Variants in PHF11 observed in about 807,000 individuals in gnomAD.
The protein encoded by PHF11 is PHD finger protein 11.
In PHF11, 38 loss-of-function variants were observed where a neutral mutation model predicts 40.5. The observed-to-expected ratio is 0.94, with a 90% CI of 0.72 to 1.23. PHF11 has a LOEUF of 1.23. Ranked by LOEUF, PHF11 falls within the 50% of genes most tolerant of loss-of-function variation. The pLI, the probability that PHF11 is intolerant of heterozygous loss-of-function variation, is 0.00. For missense variants in PHF11, 369 were observed against 392.4 expected, an observed-to-expected ratio of 0.94 and a Z score of 0.50; for synonymous variants, 127 against 138.2, an observed-to-expected ratio of 0.92 and a Z score of 0.57.
At chr13:49,526,612 C>A (rs372799292) in intron 9 of PHF11, among the ~76,000 whole-genome samples, 154 bp downstream of exon 9, 1 of 138,052 alleles carries the variant, frequency 7.2e-6, no homozygotes, top group Non-Finnish European at 1.6e-5. Context: ...AGTATGACCC[C>A]GCCCACCTGC....
intron 3 of PHF11, among the ~76,000 whole-genome samples, chr13:49,515,743 C>T (rs1339268653): frequency 1.3e-5 from 2 of 152,154 alleles, no homozygotes; most frequent in African/African-American, 4.8e-5. Flanking sequence ...GACTGTCTCT[C>T]CTGCCATCCC....
intron 8 of PHF11, 130 bp from the exon 9 acceptor site, chr13:49,526,257 C>A: frequency 1.6e-6 from 1 of 638,018 alleles, no homozygotes; most frequent in Non-Finnish European, 2.9e-6. Context: ...CTGCTGTTGC[C>A]ATCTAACATT....
At chr13:49,525,819 G>A (rs750171616) in intron 8 of PHF11, 7 of 456,166 alleles carry the variant, frequency 1.5e-5, no homozygotes, top group South Asian at 1.1e-4. Flanking sequence ...CTGTAGGGCT[G>A]GTGAGGACAC....
At position 49,495,966 on chromosome 13, in the gene PHF11, C is replaced by T. The variant is rs1958795830; in HGVS notation, c.-36C>T. The T allele has an allele frequency of 1.4e-6, 2 of 1,396,208 alleles. No individual in the cohort carries two copies. Among genetic ancestry groups the T allele is most frequent in the Non-Finnish European group, 1.9e-6 (2 of 1,035,938 alleles). 86.5% of individuals were successfully genotyped at this position (1,396,208 alleles called of 1,614,324 possible). A position where few individuals can be genotyped will look rare whatever the true frequency, so the allele number is the denominator to read the frequency against. On this transcript the variant is annotated 5_prime_UTR_variant, in exon 1 of 10. Transcript: ENST00000378319. ...TGCAGCTGGGGCACTTCCGGGATCT[C>T]GCTATCCGGCCGCCACCCGCAGCTG...
At chr13:49,523,341 C>A (rs907735495) in intron 7 of PHF11, 100 bp downstream of exon 7, 2 of 744,626 alleles carry the variant, frequency 2.7e-6, no homozygotes, top group African/African-American at 1.8e-5. Context: ...AATCTTTATT[C>A]TTCTAGGCTT....
intron 5 of PHF11, chr13:49,521,367 G>A (rs1421271534): frequency 6.1e-6 from 6 of 988,580 alleles, no homozygotes; most frequent in Admixed American, 1.2e-4. Flanking sequence ...GCTAACTGGA[G>A]TCATGGGGTA....
chr13:49,506,114 TGGCCAGGCACAGTAGCTC>T (rs755451364), intron 1 of PHF11, among the ~76,000 whole-genome samples: 1 of 152,084 alleles, frequency 6.6e-6, no homozygotes, highest in Non-Finnish European at 1.5e-5. Context: ...TTCCTCATTT[TGGCCAGGCACAGTAGCTC>T]GTGCCTGTAA....
intron 2 of PHF11, among the ~76,000 whole-genome samples, chr13:49,512,753 C>T (rs1959095545): frequency 6.6e-6 from 1 of 152,168 alleles, no homozygotes; most frequent in Non-Finnish European, 1.5e-5. Context: ...AGCTATTGCT[C>T]AAAGCCCATT....
At chr13:49,521,076 T>G (rs1051241357) in intron 5 of PHF11, 136 bp downstream of exon 5, 2 of 1,391,268 alleles carry the variant, frequency 1.4e-6, no homozygotes, top group Non-Finnish European at 1.9e-6. Context: ...ATCTAGAAAA[T>G]TGACAACTTC....
chr13:49,523,315 C>A, intron 7 of PHF11, 74 bp downstream of exon 7: 1 of 940,562 alleles, frequency 1.1e-6, no homozygotes, highest in Non-Finnish European at 1.7e-6. Context: ...CTGTTTCAAA[C>A]TTGGTATCCC....
At chr13:49,506,592 G>C in intron 1 of PHF11, 43 bp from the exon 2 acceptor site, 1 of 1,604,864 alleles carries the variant, frequency 6.2e-7, no homozygotes, top group South Asian at 1.1e-5. Flanking sequence ...GTGAGACCAA[G>C]AAATTCCACT....
At position 49,524,191 on chromosome 13, in the gene PHF11, C is replaced by T; in HGVS notation, c.744C>T (p.Leu248=). Residue 248 remains leucine, a synonymous_variant, in exon 8 of 10, where the codon CTC becomes CTT. Coordinates refer to ENST00000378319, the MANE Select transcript of PHF11 (RefSeq NM_001040443.3). ...LDKVHSIPEK[L]MDETTSESDY... Reference sequence around the variant, plus strand: ...AAGTTCATTCAATTCCAGAAAAACTCATGGATGAGACTACTTCAGAATCAG... The same window carrying T: ...AAGTTCATTCAATTCCAGAAAAACTTATGGATGAGACTACTTCAGAATCAG... 6.2e-7 allele frequency: 1 copy of T among 1,608,858 alleles called. No individual in the cohort carries two copies. The highest frequency in any genetic ancestry group is 8.5e-7 in the Non-Finnish European group (1 of 1,176,332).
At chr13:49,508,100 T>C (rs1348984086) in intron 2 of PHF11, among the ~76,000 whole-genome samples, 1 of 148,176 alleles carries the variant, frequency 6.7e-6, no homozygotes, top group Non-Finnish European at 1.5e-5. Flanking sequence ...AAATAATTAA[T>C]ATAAATAATT....
chr13:49,501,008 T>TTG lies in PHF11; in HGVS notation c.94+4914_94+4915insGT, dbSNP rs1566185319. Among the ~76,000 whole-genome samples the TTG allele has an allele frequency of 6.5e-5, 8 of 122,740 alleles. No individual in the cohort carries two copies. In the South Asian group the frequency reaches 2.0e-3, roughly 31 times the overall value. 80.5% of individuals were successfully genotyped at this position (122,740 alleles called of 152,430 possible). On this transcript the variant is annotated intron_variant, in intron 1 of 9. Transcript: ENST00000378319. The stretch of plus-strand genomic sequence containing the variant: ...GGGAGTCACCAACTTTTGTTTTTTT[T>TTG]TTTTTTTGGTTTTTTTTTTTCTGAA...
intron 1 of PHF11, among the ~76,000 whole-genome samples, chr13:49,506,084 G>C (rs1014188066): frequency 1.3e-5 from 2 of 152,066 alleles, no homozygotes; most frequent in African/African-American, 2.4e-5. Flanking sequence ...ATTCCTGGTT[G>C]TGTTTCTTGA....
chr13:49,509,413 G>A (rs746570302), intron 2 of PHF11, among the ~76,000 whole-genome samples: 4 of 151,972 alleles, frequency 2.6e-5, no homozygotes, highest in Admixed American at 6.6e-5. Flanking sequence ...GGGGTTTCAC[G>A]TGTTAGCCAA....
At chr13:49,501,011 TTTTTG>T (rs1463919437) in intron 1 of PHF11, among the ~76,000 whole-genome samples, 20 of 118,270 alleles carry the variant, frequency 1.7e-4, no homozygotes, top group South Asian at 1.7e-3. Context: ...TTTTTTTTTT[TTTTTG>T]GTTTTTTTTT....
In PHF11 at chr13:49,517,929, T is replaced by G; in HGVS notation, c.325-89T>G. The G allele has an allele frequency of 6.8e-6, 5 of 736,914 alleles. 1 individual carries two copies. The South Asian group carries it at 1.0e-4, about 15-fold the overall frequency. The allele number at this position is 736,914 out of a possible 1,614,324, so 45.6% of individuals were successfully genotyped here. On this transcript the variant is annotated intron_variant, in intron 3 of 9. Transcript: ENST00000378319. ...TGCCCAGGATAAAATGCAGGGCTTC[T>G]GGAACTTAAATAACATTTAATGATA...
intron 5 of PHF11, 123 bp downstream of exon 5, chr13:49,521,063 C>A: frequency 7.2e-7 from 1 of 1,394,398 alleles, no homozygotes; most frequent in Non-Finnish European, 9.4e-7. Flanking sequence ...TAAAATTTTA[C>A]ACATCTAGAA....
Sources: allele counts gnomAD v4.1 joint callset (sites outside exome capture counted in the v4.1 genomes callset), GRCh38; gene constraint gnomAD v4.1.1; transcripts MANE v1.5; gene names NCBI Gene and HGNC (gene_info 2026-07-23, HGNC 2026-07-21).